Variants in PRKCB observed in about 807,000 individuals in gnomAD.
PRKCB encodes the protein protein kinase C beta type.
PRKCB carries 13 observed loss-of-function variants against 81.5 expected under a neutral mutation model. The ratio of observed to expected loss-of-function variants is 0.16; its 90% CI spans 0.10 to 0.25. The LOEUF is 0.25. Ranked by LOEUF, PRKCB falls within the 10% of genes least tolerant of loss-of-function variation. The probability of loss-of-function intolerance (pLI) is 1.00; values close to 1 mark genes in which losing one functional copy is unlikely to be tolerated. For synonymous variants in PRKCB, 335 were observed against 321.4 expected (o/e 1.04, Z -0.45); for missense variants, 509 against 875.7 (o/e 0.58, Z 5.29).
chr16:24,044,478 T>G (rs2141864611), intron 5 of PRKCB, among the ~76,000 whole-genome samples: 1 of 152,338 alleles, frequency 6.6e-6, no homozygotes, highest in Middle Eastern at 3.4e-3. Flanking sequence ...AGATTATGAT[T>G]TATACACTTT....
intron 9 of PRKCB, among the ~76,000 whole-genome samples, chr16:24,146,460 G>C (rs1364888997): frequency 6.6e-6 from 1 of 152,208 alleles, no homozygotes; most frequent in Non-Finnish European, 1.5e-5. Flanking sequence ...ATGAGGAGAA[G>C]ATTGAGGTTC....
chr16:23,943,081 G>T (rs1275521977), intron 2 of PRKCB, among the ~76,000 whole-genome samples: 1 of 152,218 alleles, frequency 6.6e-6, no homozygotes, highest in African/African-American at 2.4e-5. Flanking sequence ...GCCATGGACA[G>T]GGGTGGCAGA....
At chr16:24,214,115 G>A (rs1283371862) in intron 16 of PRKCB, among the ~76,000 whole-genome samples, 2 of 152,146 alleles carry the variant, frequency 1.3e-5, no homozygotes, top group Non-Finnish European at 2.9e-5. Context: ...TCCAGTGGCT[G>A]GAGTTTATAA....
At chr16:23,893,284 T>C (rs1036105386) in intron 2 of PRKCB, 3 of 152,252 alleles carry the variant, frequency 2.0e-5, no homozygotes, top group Admixed American at 6.5e-5. Context: ...GCCAATAAAT[T>C]GGCCATGGCA....
chr16:23,853,979 T>TTTTTTTTTTTTTTTTTTTTTTTTTTG, intron 2 of PRKCB, among the ~76,000 whole-genome samples: 1 of 146,800 alleles, frequency 6.8e-6, no homozygotes, highest in Non-Finnish European at 1.5e-5. Flanking sequence ...AGGCACTTCT[T>TTTTTTTTTTTTTTTTTTTTTTTTTTG]ACATGGCAGC....
intron 2 of PRKCB, among the ~76,000 whole-genome samples, chr16:23,875,037 C>CT (rs10568541): frequency 1.0e-4 from 12 of 117,398 alleles, no homozygotes; most frequent in Admixed American, 8.1e-4. Flanking sequence ...TCTCTATGTC[C>CT]TTTTTTTTTT....
intron 5 of PRKCB, among the ~76,000 whole-genome samples, chr16:24,044,569 C>T (rs536122550): frequency 1.3e-5 from 2 of 152,298 alleles, no homozygotes; most frequent in South Asian, 2.1e-4. Flanking sequence ...AAACAAAACA[C>T]CAATGGGTTA....
At chr16:24,037,231 C>A (rs562515604) in intron 5 of PRKCB, among the ~76,000 whole-genome samples, 30 of 152,224 alleles carry the variant, frequency 2.0e-4, no homozygotes, top group African/African-American at 6.3e-4. Context: ...TCAAGTGATC[C>A]GCCCATCTCG....
At chr16:24,124,079 G>C (rs1966833327) in intron 9 of PRKCB, 98 bp downstream of exon 9, 2 of 1,393,292 alleles carry the variant, frequency 1.4e-6, no homozygotes, top group African/African-American at 1.4e-5. Flanking sequence ...TAGTGGGAGA[G>C]AGAGTAAGAA....
Position 24,219,967 on chromosome 16 carries a change from A to G in PRKCB, c.*5151A>G. ...TTTACTTTCCATTTGGCAGAGAGAC[A>G]AGAGAGACACCTCCAACTTCGACAA... On this transcript the variant is annotated 3_prime_UTR_variant, in exon 17 of 17. Coordinates refer to ENST00000643927, the MANE Select transcript of PRKCB (RefSeq NM_002738.7). 6.2e-7 allele frequency: 1 copy of G among 1,614,008 alleles called. No homozygotes were observed. Among genetic ancestry groups the G allele is most frequent in the South Asian group, 1.1e-5 (1 of 91,068 alleles).
intron 5 of PRKCB, among the ~76,000 whole-genome samples, chr16:24,069,738 T>TCAAAACAAAACAAA (rs1966083949): frequency 6.6e-6 from 1 of 152,188 alleles, no homozygotes; most frequent in South Asian, 2.1e-4. Flanking sequence ...AGACTTTGTA[T>TCAAAACAAAACAAA]CAAAACAAAA....
Position 24,215,072 on chromosome 16 carries a change from G to A in PRKCB, c.*256G>A, listed in dbSNP as rs540175940. On this transcript the variant is annotated 3_prime_UTR_variant, in exon 17 of 17. Transcript: ENST00000643927. ...AAAGTCCTCTTACAATTTATTTTCC[G>A]CAGCATGTCAGCTAAGTAGACCCAA... 8.6e-5 allele frequency: 105 copies of A among 1,218,062 alleles called. No individual in the cohort carries two copies. The highest frequency in any genetic ancestry group is 1.0e-4 in the Non-Finnish European group (97 of 970,672). The allele number at this position is 1,218,062 out of a possible 1,614,324, so 75.5% of individuals were successfully genotyped here. A position where few individuals can be genotyped will look rare whatever the true frequency, so the allele number is the denominator to read the frequency against.
At chr16:23,954,035 A>AT (rs936716346) in intron 2 of PRKCB, among the ~76,000 whole-genome samples, 22 of 151,452 alleles carry the variant, frequency 1.5e-4, no homozygotes, top group Admixed American at 5.3e-4. Context: ...TGCCCGGCTA[A>AT]TTTTTTTTTA....
intron 4 of PRKCB, among the ~76,000 whole-genome samples, chr16:24,034,443 G>A (rs772449479): frequency 9.2e-5 from 14 of 152,188 alleles, no homozygotes; most frequent in Non-Finnish European, 2.1e-4. Flanking sequence ...TTCCTGGAGT[G>A]GGGCATTATT....
intron 2 of PRKCB, among the ~76,000 whole-genome samples, chr16:23,931,000 C>CCA (rs1021494106): frequency 5.3e-5 from 8 of 152,208 alleles, no homozygotes; most frequent in Non-Finnish European, 8.8e-5. Context: ...GCTTCAGTGC[C>CCA]CAGAGATGGA....
chr16:24,123,740 C>A, intron 8 of PRKCB, 95 bp from the exon 9 acceptor site: 2 of 1,329,914 alleles, frequency 1.5e-6, no homozygotes, highest in Non-Finnish European at 1.0e-6. Context: ...GGTGCCGGAG[C>A]TGCAGGAACT....
intron 16 of PRKCB, among the ~76,000 whole-genome samples, chr16:24,213,663 G>C (rs1968181184): frequency 6.6e-6 from 1 of 152,214 alleles, no homozygotes; most frequent in African/African-American, 2.4e-5. Flanking sequence ...TAGAGATACT[G>C]TGTTGAAAAC....
chr16:23,998,382 CCTGA>C lies in PRKCB; in HGVS notation c.288+9795_288+9798del, dbSNP rs144491334. 2.6e-3 allele frequency among the ~76,000 whole-genome samples: 394 copies of C among 152,038 alleles called. 1 individual carries two copies. The highest frequency in any genetic ancestry group is 7.6e-3 in the African/African-American group (316 of 41,490). On this transcript the variant is annotated intron_variant, in intron 3 of 16. Coordinates refer to ENST00000643927, the MANE Select transcript of PRKCB (RefSeq NM_002738.7). Reference sequence around the variant, plus strand: ...CGTTATTGATTTTTTTTTGGAGAACCCTGACTAATACATTGTGCCTACACCGTAG... The same window carrying C: ...CGTTATTGATTTTTTTTTGGAGAACCCTAATACATTGTGCCTACACCGTAG...
At chr16:24,179,949 A>AT (rs796325640) in intron 12 of PRKCB, among the ~76,000 whole-genome samples, 58 of 144,240 alleles carry the variant, frequency 4.0e-4, no homozygotes, top group South Asian at 8.8e-4. Context: ...ATTGTGCAAC[A>AT]TTTTTTTTTT....
Sources: allele counts gnomAD v4.1 joint callset (sites outside exome capture counted in the v4.1 genomes callset), GRCh38; gene constraint gnomAD v4.1.1; transcripts MANE v1.5; gene names NCBI Gene and HGNC (gene_info 2026-07-23, HGNC 2026-07-21).